The following ROBO2 variants were observed in gnomAD, a reference collection of about 807,000 sequenced individuals.
The protein encoded by ROBO2 is roundabout homolog 2.
Under a neutral mutation model 160.8 loss-of-function variants are expected in ROBO2, and 53 were observed. The ratio of observed to expected loss-of-function variants is 0.33; its 90% CI spans 0.26 to 0.41. The LOEUF is 0.41. Ranked by LOEUF, ROBO2 falls within the 10% of genes least tolerant of loss-of-function variation. The pLI, the probability that ROBO2 is intolerant of heterozygous loss-of-function variation, is 1.00. For missense variants in ROBO2, 1,577 were observed against 1,722.4 expected (o/e 0.92, Z 1.49); for synonymous variants, 664 against 611.7 (o/e 1.09, Z -1.26).
At chr3:77,069,703 C>G (rs963555297) in intron 1 of ROBO2, among the ~76,000 whole-genome samples, 1 of 152,090 alleles carries the variant, frequency 6.6e-6, no homozygotes, top group African/African-American at 2.4e-5. Context: ...CTCTTTTAGG[C>G]ACTGGGATTA....
At chr3:77,324,705 C>A (rs1433619305) in intron 2 of ROBO2, among the ~76,000 whole-genome samples, 2 of 149,424 alleles carry the variant, frequency 1.3e-5, no homozygotes, top group Admixed American at 1.3e-4. Flanking sequence ...TGGCGTGAAC[C>A]TGGGAGGCGG....
intron 2 of ROBO2, among the ~76,000 whole-genome samples, chr3:77,028,440 G>A (rs1443327077): frequency 1.3e-5 from 2 of 152,184 alleles, no homozygotes; most frequent in African/African-American, 4.8e-5. Context: ...TCTAGGCTGG[G>A]CATAGTGGCT....
chr3:75,908,552 A>G (rs1031561187), intron 1 of ROBO2, among the ~76,000 whole-genome samples: 8 of 152,160 alleles, frequency 5.3e-5, no homozygotes, highest in Non-Finnish European at 1.0e-4. Flanking sequence ...TATAAAATAT[A>G]TGAATGTTAT....
At chr3:76,826,431 GTTTA>G (rs1435740489) in intron 2 of ROBO2, among the ~76,000 whole-genome samples, 1 of 152,066 alleles carries the variant, frequency 6.6e-6, no homozygotes, top group African/African-American at 2.4e-5. Flanking sequence ...CAGTGGATGA[GTTTA>G]TTTATTATTA....
intron 2 of ROBO2, among the ~76,000 whole-genome samples, chr3:76,028,368 A>G (rs1258291640): frequency 1.3e-5 from 2 of 151,962 alleles, no homozygotes; most frequent in Admixed American, 1.3e-4. Context: ...TGAAGACACT[A>G]ATAAGAGTTA....
In ROBO2 at chr3:76,992,358, T is replaced by TA. The variant is rs1373102333; in HGVS notation, c.110-105655dup. ...ATATATATATATATATATATATATA[T>TA]ATATATATATAAATTTAGCTTTTGT... is the stretch of plus-strand genomic sequence containing the variant. On this transcript the variant is annotated intron_variant, in intron 2 of 26. Coordinates refer to the ROBO2 transcript ENST00000487694. 4.3e-5 allele frequency among the ~76,000 whole-genome samples: 3 copies of TA among 70,068 alleles called. No homozygotes were observed. The Admixed American group carries it at 5.9e-4, about 14-fold the overall frequency. The allele number at this position is 70,068 out of a possible 152,430, so 46.0% of individuals were successfully genotyped here.
At chr3:76,821,584 G>A (rs2066123376) in intron 2 of ROBO2, among the ~76,000 whole-genome samples, 2 of 151,704 alleles carry the variant, frequency 1.3e-5, no homozygotes, top group South Asian at 4.2e-4. Context: ...TTGTTATGAG[G>A]GACTTTAAAG....
At chr3:77,072,255 C>T (rs2067503719) in intron 1 of ROBO2, among the ~76,000 whole-genome samples, 2 of 152,168 alleles carry the variant, frequency 1.3e-5, no homozygotes, top group African/African-American at 4.8e-5. Context: ...AAACTCAAGA[C>T]TGTCACTGAT....
intron 2 of ROBO2, among the ~76,000 whole-genome samples, chr3:76,510,860 C>A (rs1355699582): frequency 1.3e-5 from 2 of 152,038 alleles, no homozygotes; most frequent in African/African-American, 4.8e-5. Flanking sequence ...GAACACATGC[C>A]ACCTAATGAT....
At chr3:77,514,530 A>C (rs977961259) in intron 5 of ROBO2, among the ~76,000 whole-genome samples, 1 of 151,808 alleles carries the variant, frequency 6.6e-6, no homozygotes, top group Non-Finnish European at 1.5e-5. Context: ...TGTACTTATA[A>C]AGAGTTCCAG....
intron 2 of ROBO2, among the ~76,000 whole-genome samples, chr3:75,998,870 A>G (rs2065803049): frequency 1.3e-5 from 2 of 152,290 alleles, no homozygotes; most frequent in Middle Eastern, 3.4e-3. Context: ...TAAAATTGTT[A>G]AATATTTTGC....
At chr3:77,014,463 G>A (rs1269985187) in intron 2 of ROBO2, among the ~76,000 whole-genome samples, 1 of 152,184 alleles carries the variant, frequency 6.6e-6, no homozygotes, top group Non-Finnish European at 1.5e-5. Context: ...GCGTAACTGT[G>A]TGTGACTCCA....
At chr3:75,996,704 T>A (rs2065735455) in intron 2 of ROBO2, among the ~76,000 whole-genome samples, 1 of 152,162 alleles carries the variant, frequency 6.6e-6, no homozygotes, top group African/African-American at 2.4e-5. Context: ...CTTTTCCTCC[T>A]AAAGTAATGA....
chr3:77,645,690 T>G (rs2095406218), intron 25 of ROBO2, among the ~76,000 whole-genome samples: 1 of 152,172 alleles, frequency 6.6e-6, no homozygotes, highest in African/African-American at 2.4e-5. Flanking sequence ...AATTATAAAT[T>G]TCTTTATTGA....
At chr3:77,117,632 T>C (rs1267831350) in intron 2 of ROBO2, among the ~76,000 whole-genome samples, 1 of 152,202 alleles carries the variant, frequency 6.6e-6, no homozygotes, top group Non-Finnish European at 1.5e-5. Context: ...ATGATTAAGG[T>C]TAGCAGTTTG....
At chr3:76,534,542 A>G (rs986662719) in intron 2 of ROBO2, among the ~76,000 whole-genome samples, 2 of 152,070 alleles carry the variant, frequency 1.3e-5, no homozygotes, top group Non-Finnish European at 2.9e-5. Flanking sequence ...TGCAGGAGAG[A>G]TAGTAAGGAA....
At chr3:76,553,677 A>G (rs2083545000) in intron 2 of ROBO2, among the ~76,000 whole-genome samples, 1 of 152,138 alleles carries the variant, frequency 6.6e-6, no homozygotes, top group Non-Finnish European at 1.5e-5. Context: ...TTTGTACAGA[A>G]TTAGTCTGTA....
intron 2 of ROBO2, among the ~76,000 whole-genome samples, chr3:75,989,571 G>T (rs1004721340): frequency 6.6e-6 from 1 of 152,122 alleles, no homozygotes; most frequent in Non-Finnish European, 1.5e-5. Flanking sequence ...AGAAAAAATA[G>T]AAGTAAATAA....
intron 2 of ROBO2, among the ~76,000 whole-genome samples, chr3:75,953,365 T>C (rs573230361): frequency 1.3e-5 from 2 of 152,074 alleles, no homozygotes; most frequent in Middle Eastern, 3.4e-3. Context: ...ACATGACTAG[T>C]AACTTCAATA....
Sources: allele counts gnomAD v4.1 joint callset (sites outside exome capture counted in the v4.1 genomes callset), GRCh38; gene constraint gnomAD v4.1.1; transcripts MANE v1.5; gene names NCBI Gene and HGNC (gene_info 2026-07-23, HGNC 2026-07-21).